Variants in SYN3 observed in about 807,000 individuals in gnomAD.
SYN3 encodes the protein synapsin-3.
A neutral mutation model predicts 65.8 loss-of-function variants in SYN3; 35 were observed. That is an observed-to-expected ratio of 0.53 (90% CI 0.41 to 0.70). The LOEUF is 0.70. Among genes scored for constraint, SYN3 ranks in the 30% least tolerant of loss-of-function variants. The probability of loss-of-function intolerance (pLI) is 0.00; values close to 1 mark genes in which losing one functional copy is unlikely to be tolerated. For synonymous variants in SYN3, 270 were observed against 292.9 expected, an observed-to-expected ratio of 0.92 and a Z score of 0.80; for missense variants, 680 against 749.0, an observed-to-expected ratio of 0.91 and a Z score of 1.08.
Position 32,744,300 on chromosome 22 carries a change from T to A in SYN3, c.711+120615A>T, listed in dbSNP as rs150019755. Among the ~76,000 whole-genome samples, 66 of 152,244 alleles carry A rather than the reference T, an allele frequency of 4.3e-4. No individual in the cohort carries two copies. In the East Asian group the frequency reaches 0.01, roughly 24 times the overall value. The stretch of plus-strand genomic sequence containing the variant: ...AGATGATTCCAGAAATTATTCTGAG[T>A]CTGAGAGACTGGGCACTCCCAGGAG... On this transcript the variant is annotated intron_variant, in intron 6 of 13. Coordinates refer to ENST00000358763, the MANE Select transcript of SYN3 (RefSeq NM_003490.4).
At chr22:32,914,461 G>A (rs1286396171) in intron 4 of SYN3, among the ~76,000 whole-genome samples, 1 of 149,802 alleles carries the variant, frequency 6.7e-6, no homozygotes, top group Non-Finnish European at 1.5e-5. Flanking sequence ...TTTTTGAGAC[G>A]GAGTCTCGCT....
At chr22:32,588,998 T>C (rs575165941) in intron 7 of SYN3, among the ~76,000 whole-genome samples, 97 of 152,184 alleles carry the variant, frequency 6.4e-4, no homozygotes, top group Non-Finnish European at 1.2e-3. Flanking sequence ...TCTAGAAATT[T>C]CTGAATAGCC....
At chr22:33,034,497 C>T (rs1018514142) in intron 1 of SYN3, among the ~76,000 whole-genome samples, 1 of 152,026 alleles carries the variant, frequency 6.6e-6, no homozygotes, top group Non-Finnish European at 1.5e-5. Context: ...CTGCCCACCT[C>T]GGCCTCCCAA....
intron 7 of SYN3, among the ~76,000 whole-genome samples, chr22:32,560,837 A>G (rs954474899): frequency 1.3e-5 from 2 of 152,200 alleles, no homozygotes; most frequent in African/African-American, 2.4e-5. Context: ...TTGGAAGCCC[A>G]CTTTCATCAT....
At chr22:32,664,732 A>C (rs2147028117) in intron 6 of SYN3, among the ~76,000 whole-genome samples, 1 of 151,308 alleles carries the variant, frequency 6.6e-6, no homozygotes, top group Admixed American at 6.6e-5. Context: ...CTGGGACTAC[A>C]TGCGCCCGCC....
At chr22:32,968,887 A>T (rs781393922) in intron 3 of SYN3, among the ~76,000 whole-genome samples, 2 of 152,242 alleles carry the variant, frequency 1.3e-5, no homozygotes, top group Non-Finnish European at 2.9e-5. Context: ...CATTAGGACA[A>T]AGTACAGAGC....
At chr22:32,576,632 T>C (rs1318820727) in intron 7 of SYN3, among the ~76,000 whole-genome samples, 1 of 152,190 alleles carries the variant, frequency 6.6e-6, no homozygotes, top group African/African-American at 2.4e-5. Context: ...TGAGTTCTTT[T>C]CCCGCCTGGC....
intron 4 of SYN3, among the ~76,000 whole-genome samples, chr22:32,911,047 T>C (rs891480204): frequency 1.3e-5 from 2 of 152,172 alleles, no homozygotes; most frequent in Non-Finnish European, 2.9e-5. Context: ...ACCCAAGAAG[T>C]CACACACAGA....
At position 32,644,060 on chromosome 22, in the gene SYN3, C is replaced by T. The variant is rs577877021; in HGVS notation, c.712-47324G>A. Among the ~76,000 whole-genome samples the T allele has an allele frequency of 9.2e-3, 993 of 107,816 alleles. 17 individuals carry two copies. Among genetic ancestry groups the T allele is most frequent in the African/African-American group, 0.036 (952 of 26,518 alleles). The allele number at this position is 107,816 out of a possible 152,430, so 70.7% of individuals were successfully genotyped here. A position where few individuals can be genotyped will look rare whatever the true frequency, so the allele number is the denominator to read the frequency against. Reference sequence around the variant, plus strand: ...ACCACTGTACTCCAGCCTGGGCAAGCGAGACTCTGCCTCAAAAAAAAAAAA... The same window carrying T: ...ACCACTGTACTCCAGCCTGGGCAAGTGAGACTCTGCCTCAAAAAAAAAAAA... On this transcript the variant is annotated intron_variant, in intron 6 of 13. Transcript: ENST00000358763.
chr22:32,524,989 T>A (rs2057951478), intron 12 of SYN3, among the ~76,000 whole-genome samples: 1 of 152,202 alleles, frequency 6.6e-6, no homozygotes, highest in Non-Finnish European at 1.5e-5. Flanking sequence ...AACTCCAGCT[T>A]GGGCTATAGA....
At chr22:32,835,363 G>T (rs893240037) in intron 6 of SYN3, among the ~76,000 whole-genome samples, 1 of 152,174 alleles carries the variant, frequency 6.6e-6, no homozygotes, top group Non-Finnish European at 1.5e-5. Flanking sequence ...TGGGGGCAGG[G>T]AAGAAAGAGG....
At chr22:32,775,314 A>G (rs1352212745) in intron 6 of SYN3, among the ~76,000 whole-genome samples, 1 of 152,100 alleles carries the variant, frequency 6.6e-6, no homozygotes, top group Non-Finnish European at 1.5e-5. Context: ...TACAGGCCCT[A>G]TCACTAAATA....
At chr22:33,045,552 C>A (rs2054047619) in intron 1 of SYN3, among the ~76,000 whole-genome samples, 3 of 142,146 alleles carry the variant, frequency 2.1e-5, no homozygotes, top group African/African-American at 7.9e-5. Context: ...ACTGCAAGCT[C>A]TGCCTCCCGG....
At chr22:33,004,486 T>C (rs529822745) in intron 2 of SYN3, among the ~76,000 whole-genome samples, 5 of 152,326 alleles carry the variant, frequency 3.3e-5, no homozygotes, top group South Asian at 4.1e-4. Context: ...TACTACCTCA[T>C]TGGATCAGAG....
In SYN3 at chr22:32,830,822, C is replaced by T. The variant is rs181503393; in HGVS notation, c.711+34093G>A. Among the ~76,000 whole-genome samples the T allele has an allele frequency of 1.8e-3, 274 of 152,320 alleles. 2 individuals carry two copies. Among genetic ancestry groups the T allele is most frequent in the African/African-American group, 5.6e-3 (234 of 41,580 alleles). ...GCCCCTGGCTTCTCCCAGTGGATTC[C>T]GCAAGGTGTTTCCTGCAAATCCTGC... On this transcript the variant is annotated intron_variant, in intron 6 of 13. Coordinates refer to ENST00000358763, the MANE Select transcript of SYN3 (RefSeq NM_003490.4).
At chr22:32,660,439 A>G (rs2060201061) in intron 6 of SYN3, among the ~76,000 whole-genome samples, 2 of 152,190 alleles carry the variant, frequency 1.3e-5, no homozygotes. Context: ...GCATTCTAGC[A>G]TATTCCCTAA....
At chr22:32,564,986 ACCCAAACAGTGCTCCCG>A (rs2058648362) in intron 7 of SYN3, among the ~76,000 whole-genome samples, 3 of 132,376 alleles carry the variant, frequency 2.3e-5, no homozygotes, top group South Asian at 2.2e-4. Flanking sequence ...CCTGGACTGC[ACCCAAACAGTGCTCCCG>A]GACTGCACCC....
chr22:32,539,146 G>A (rs1400437230), intron 8 of SYN3, among the ~76,000 whole-genome samples: 2 of 152,084 alleles, frequency 1.3e-5, no homozygotes, highest in African/African-American at 4.8e-5. Flanking sequence ...CTGGTGAGAG[G>A]AATTGACACA....
intron 3 of SYN3, among the ~76,000 whole-genome samples, chr22:32,958,384 A>C (rs1386873744): frequency 6.6e-6 from 1 of 152,202 alleles, no homozygotes; most frequent in African/African-American, 2.4e-5. Context: ...GCAATACCCA[A>C]GGGTGGTGAT....
Sources: gnomAD v4.1 joint callset for allele counts (sites outside exome capture counted in the v4.1 genomes callset) on GRCh38, gnomAD v4.1.1 for gene constraint, MANE v1.5 for transcripts, NCBI Gene and HGNC (gene_info 2026-07-23, HGNC 2026-07-21) for gene names.